The following CRACD variants were observed in gnomAD, a reference collection of about 807,000 sequenced individuals.
The protein encoded by CRACD is capping protein inhibiting regulator of actin dynamics.
CRACD carries 56 observed loss-of-function variants against 106.8 expected under a neutral mutation model. The ratio of observed to expected loss-of-function variants is 0.52; its 90% CI spans 0.42 to 0.66. The LOEUF (loss-of-function observed/expected upper bound fraction) is 0.66. Among genes scored for constraint, CRACD ranks in the 30% least tolerant of loss-of-function variants. CRACD has a pLI of 0.00. For missense variants in CRACD, 1,730 were observed against 1,623.2 expected (o/e 1.07, Z -1.13); for synonymous variants, 754 against 670.8 (o/e 1.12, Z -1.92).
At chr4:56,151,181 G>C (rs2109890402) in intron 1 of CRACD, among the ~76,000 whole-genome samples, 1 of 152,170 alleles carries the variant, frequency 6.6e-6, no homozygotes. Flanking sequence ...AATTTTTGTA[G>C]AGACGGGGTT....
At chr4:56,294,975 A>G (rs1743923859) in intron 3 of CRACD, among the ~76,000 whole-genome samples, 1 of 151,392 alleles carries the variant, frequency 6.6e-6, no homozygotes, top group South Asian at 2.1e-4. Flanking sequence ...GAAAGAAAAA[A>G]ACCCAGAAAA....
chr4:56,236,608 T>C (rs1739981769), intron 2 of CRACD, among the ~76,000 whole-genome samples: 1 of 151,844 alleles, frequency 6.6e-6, no homozygotes, highest in Non-Finnish European at 1.5e-5. Context: ...AGGAGTCACA[T>C]AGGACGATGG....
chr4:56,312,169 T>G (rs2072046439), intron 6 of CRACD, among the ~76,000 whole-genome samples: 1 of 152,066 alleles, frequency 6.6e-6, no homozygotes, highest in Non-Finnish European at 1.5e-5. Flanking sequence ...ACCAAAACTT[T>G]TGTGTGTGTG....
intron 3 of CRACD, among the ~76,000 whole-genome samples, chr4:56,282,393 T>G (rs1023573623): frequency 3.3e-5 from 5 of 152,194 alleles, no homozygotes; most frequent in African/African-American, 1.2e-4. Flanking sequence ...AGAATTTCCC[T>G]CTGTAGGCTC....
chr4:56,310,871 G>C (rs1003296226), intron 6 of CRACD, 137 bp downstream of exon 6: 32 of 597,044 alleles, frequency 5.4e-5, no homozygotes, highest in Non-Finnish European at 8.7e-5. Context: ...AATTCCTTCA[G>C]AATGCCACTA....
In CRACD at chr4:56,314,973, C is replaced by A; in HGVS notation, c.1471C>A (p.Leu491Ile). ...EKREEGDTEP[L>I]LKQEGPVEAA... ...GAGAGAAGAAGGGGACACGGAGCCT[C>A]TCCTGAAACAAGAGGGGCCGGTGGA... Residue 491 changes from leucine to isoleucine, a missense_variant, in exon 8 of 11, where the codon CTC becomes ATC. Physicochemically the swap from Leu to Ile is conservative, Grantham distance 5 (BLOSUM62 2). Coordinates refer to ENST00000682029, the MANE Select transcript of CRACD (RefSeq NM_001393381.1). The surrounding 1 kb of genome is among the most constrained non-coding windows in gnomAD (Gnocchi z 4.4). 6.3e-7 allele frequency: 1 copy of A among 1,588,442 alleles called. No individual in the cohort carries two copies. The highest frequency in any genetic ancestry group is 1.3e-5 in the African/African-American group (1 of 74,832).
intron 5 of CRACD, among the ~76,000 whole-genome samples, chr4:56,309,832 C>T (rs1027308408): frequency 2.0e-5 from 3 of 151,728 alleles, no homozygotes; most frequent in Middle Eastern, 3.4e-3. Flanking sequence ...CCAGACTGGG[C>T]GACAGAGCAA....
intron 2 of CRACD, among the ~76,000 whole-genome samples, chr4:56,221,267 T>C (rs973963917): frequency 2.0e-5 from 3 of 152,188 alleles, no homozygotes; most frequent in Admixed American, 2.0e-4. Flanking sequence ...TTGGAAGCTA[T>C]TGAAATACTT....
chr4:56,205,097 A>C (rs1339779437), intron 2 of CRACD, among the ~76,000 whole-genome samples: 1 of 152,182 alleles, frequency 6.6e-6, no homozygotes, highest in African/African-American at 2.4e-5. Flanking sequence ...TTGAAGCTGC[A>C]ATGAGCTATG....
chr4:56,177,636 C>T (rs1736643224), intron 1 of CRACD, among the ~76,000 whole-genome samples: 1 of 152,132 alleles, frequency 6.6e-6, no homozygotes, highest in South Asian at 2.1e-4. Flanking sequence ...AGCAGTGAAG[C>T]CATCAGGTTC....
chr4:56,055,253 A>T (rs556889726), intron 1 of CRACD, among the ~76,000 whole-genome samples: 1 of 152,132 alleles, frequency 6.6e-6, no homozygotes, highest in African/African-American at 2.4e-5. Flanking sequence ...GAAGATAAGG[A>T]GACAGGGAGC....
chr4:56,204,024 T>G lies in CRACD; in HGVS notation c.-189+24594T>G, dbSNP rs1204604793. ...AGCCTTGTGCATATTCAAAAAAGACTGCCCTTCTTTCAGATGGACACAGCC... is the reference window on the plus strand; with the variant it reads ...AGCCTTGTGCATATTCAAAAAAGACGGCCCTTCTTTCAGATGGACACAGCC... On this transcript the variant is annotated intron_variant, in intron 2 of 10. Transcript: ENST00000682029. Among the ~76,000 whole-genome samples the G allele has an allele frequency of 2.0e-5, 3 of 152,240 alleles. No homozygotes were observed. The East Asian group carries it at 5.8e-4, about 29-fold the overall frequency.
At chr4:56,303,260 G>A (rs776885915) in intron 4 of CRACD, among the ~76,000 whole-genome samples, 4 of 151,974 alleles carry the variant, frequency 2.6e-5, no homozygotes, top group East Asian at 1.9e-4. Flanking sequence ...CAGGAGAATC[G>A]CTTGAACCCC....
chr4:56,218,069 A>G (rs555109253), intron 2 of CRACD, among the ~76,000 whole-genome samples: 1 of 152,128 alleles, frequency 6.6e-6, no homozygotes, highest in African/African-American at 2.4e-5. Flanking sequence ...TTTGTCTCCC[A>G]ATTTCCCCTT....
chr4:56,172,844 G>T (rs1402614708), intron 1 of CRACD, among the ~76,000 whole-genome samples: 1 of 152,068 alleles, frequency 6.6e-6, no homozygotes, highest in African/African-American at 2.4e-5. Context: ...GGATGGTCTC[G>T]ATCTCCTGAC....
intron 9 of CRACD, among the ~76,000 whole-genome samples, 155 bp from the exon 10 acceptor site, chr4:56,323,949 G>A (rs2292984): frequency 0.025 from 3,749 of 152,336 alleles, 146 homozygotes; most frequent in East Asian, 0.19. Flanking sequence ...ACCGGAAGCC[G>A]TGGTTGAGCG....
chr4:56,316,108 A>G lies in CRACD; in HGVS notation c.2606A>G (p.Lys869Arg). ...NCDQQAEQKK[K>R]KRHSSTGDSA... ...GACCAACAGGCAGAACAGAAGAAGA[A>G]GAAGAGGCACAGCAGCACCGGAGAC... is the stretch of plus-strand genomic sequence containing the variant. The change falls in exon 8 of 11, where the codon AAG becomes AGG. Residue 869 changes from lysine to arginine, a missense_variant. Around this residue, in one of 5 missense-constraint regions of CRACD, gnomAD observed 1,620 missense variants for 1,481.6 expected, o/e 1.09. Transcript: ENST00000682029. 6.2e-7 allele frequency: 1 copy of G among 1,614,178 alleles called. No homozygotes were observed. Among genetic ancestry groups the G allele is most frequent in the Non-Finnish European group, 8.5e-7 (1 of 1,180,034 alleles).
intron 4 of CRACD, among the ~76,000 whole-genome samples, chr4:56,300,467 C>G (rs1022452193): frequency 6.6e-6 from 1 of 152,230 alleles, no homozygotes; most frequent in Non-Finnish European, 1.5e-5. Context: ...ATAGAAAAAG[C>G]AAGCTGTGAC....
chr4:56,219,731 G>A (rs1003374211), intron 2 of CRACD, among the ~76,000 whole-genome samples: 42 of 152,258 alleles, frequency 2.8e-4, no homozygotes, highest in African/African-American at 9.6e-4. Context: ...TTCACCTTTT[G>A]TTTAGTAAGT....
Sources: gnomAD v4.1 joint callset for allele counts (sites outside exome capture counted in the v4.1 genomes callset) on GRCh38, gnomAD v4.1.1 for gene constraint, gnomAD v4.1.1 regional missense constraint, Gnocchi (gnomAD v3.1) non-coding constraint, MANE v1.5 for transcripts, NCBI Gene and HGNC (gene_info 2026-07-23, HGNC 2026-07-21) for gene names.